Variants in PCDH15 observed in about 807,000 individuals in gnomAD.
PCDH15 encodes protocadherin related 15.
PCDH15 carries 129 observed loss-of-function variants against 178.5 expected under a neutral mutation model. The ratio of observed to expected loss-of-function variants is 0.72; its 90% CI spans 0.63 to 0.84. The LOEUF is 0.84. Ranked by LOEUF, PCDH15 falls within the 40% of genes least tolerant of loss-of-function variation. The pLI is 0.00. For synonymous variants in PCDH15, 800 were observed against 732.0 expected, an observed-to-expected ratio of 1.09 and a Z score of -1.50; for missense variants, 2,230 against 2,099.9, an observed-to-expected ratio of 1.06 and a Z score of -1.21.
intron 26 of PCDH15, among the ~76,000 whole-genome samples, chr10:53,881,594 C>A (rs61301799): frequency 6.6e-6 from 1 of 151,858 alleles, no homozygotes; most frequent in East Asian, 1.9e-4. Context: ...AAGTTCACAC[C>A]TGGACTAAAT....
At chr10:53,835,158 T>TTTAC (rs1217085180) in intron 29 of PCDH15, among the ~76,000 whole-genome samples, 1 of 152,206 alleles carries the variant, frequency 6.6e-6, no homozygotes, top group Non-Finnish European at 1.5e-5. Flanking sequence ...TGTATAGTTT[T>TTTAC]TTACTTAGAA....
chr10:55,158,680 A>C (rs1480287017), intron 2 of PCDH15, among the ~76,000 whole-genome samples: 1 of 132,172 alleles, frequency 7.6e-6, no homozygotes, highest in South Asian at 2.7e-4. Flanking sequence ...AGCATGATTC[A>C]ATTTGTTCTA....
intron 1 of PCDH15, among the ~76,000 whole-genome samples, chr10:55,255,379 T>C (rs1219307111): frequency 1.3e-5 from 2 of 152,216 alleles, no homozygotes; most frequent in Admixed American, 6.5e-5. Context: ...TGGTTCCAAG[T>C]CTTTGCTATT....
In PCDH15 at chr10:53,903,995, C is replaced by T. The variant is rs192529910; in HGVS notation, c.3374-625G>A. Among the ~76,000 whole-genome samples, 155 of 152,170 alleles carry T rather than the reference C, an allele frequency of 1.0e-3. 1 individual carries two copies. Among genetic ancestry groups the T allele is most frequent in the African/African-American group, 3.7e-3 (154 of 41,522 alleles). On this transcript the variant is annotated intron_variant, in intron 25 of 37. Transcript: ENST00000644397. The stretch of plus-strand genomic sequence containing the variant: ...AAGATATGATTATGACTCATAAATG[C>T]TGCATTTTACCATTTAAATAACAGT...
intron 2 of PCDH15, among the ~76,000 whole-genome samples, chr10:55,520,712 A>G (rs978148063): frequency 2.6e-5 from 4 of 151,676 alleles, no homozygotes; most frequent in Non-Finnish European, 5.9e-5. Context: ...CTAACAATCT[A>G]TTGCAAATAG....
intron 2 of PCDH15, among the ~76,000 whole-genome samples, chr10:54,638,349 A>T (rs2134876667): frequency 6.6e-6 from 1 of 152,188 alleles, no homozygotes; most frequent in Non-Finnish European, 1.5e-5. Flanking sequence ...CAAATAATTG[A>T]CAGACATTTA....
At chr10:54,044,118 T>C (rs1429930745) in intron 18 of PCDH15, among the ~76,000 whole-genome samples, 1 of 152,010 alleles carries the variant, frequency 6.6e-6, no homozygotes, top group Non-Finnish European at 1.5e-5. Flanking sequence ...TAGATCTTGA[T>C]TATGTTGGAA....
At position 54,608,048 on chromosome 10, in the gene PCDH15, AACTTGAAAT is replaced by A. The variant is rs543499816; in HGVS notation, c.91+56115_91+56123del. The A allele has an allele frequency of 2.8e-4, 126 of 443,380 alleles. 1 individual carries two copies. The highest frequency in any genetic ancestry group is 2.2e-3 in the African/African-American group (105 of 46,722). 27.5% of individuals were successfully genotyped at this position (443,380 alleles called of 1,614,324 possible). On this transcript the variant is annotated intron_variant, in intron 2 of 37. Coordinates refer to ENST00000644397, the MANE Select transcript of PCDH15 (RefSeq NM_001384140.1). The stretch of plus-strand genomic sequence containing the variant: ...AAGGAATTTTTCAAAATAATATTTT[AACTTGAAAT>A]ACTTTTCTTTGACAAATACAGTAAA...
chr10:54,618,410 A>G (rs970915157), intron 2 of PCDH15, among the ~76,000 whole-genome samples: 1 of 152,100 alleles, frequency 6.6e-6, no homozygotes, highest in African/African-American at 2.4e-5. Context: ...AACCGGGGAA[A>G]TATTTCAGGT....
chr10:54,411,825 A>T (rs7911593), intron 3 of PCDH15, among the ~76,000 whole-genome samples: 120,607 of 152,072 alleles, frequency 0.79, 48,602 homozygotes, highest in East Asian at 0.97. Context: ...CTTGTCAGAG[A>T]GACTAATACT....
At chr10:54,356,938 AG>A (rs1945099055) in intron 5 of PCDH15, among the ~76,000 whole-genome samples, 1 of 152,162 alleles carries the variant, frequency 6.6e-6, no homozygotes, top group Admixed American at 6.5e-5. Context: ...GATGCAGAAA[AG>A]GCCTTTGACA....
chr10:55,004,463 C>T (rs776639370), intron 2 of PCDH15, among the ~76,000 whole-genome samples: 21 of 152,284 alleles, frequency 1.4e-4, no homozygotes, highest in Admixed American at 1.3e-4. Flanking sequence ...AGGAAATCAA[C>T]CACCAGGCCT....
At chr10:54,233,656 A>T (rs1194290155) in intron 9 of PCDH15, among the ~76,000 whole-genome samples, 1 of 152,110 alleles carries the variant, frequency 6.6e-6, no homozygotes, top group East Asian at 1.9e-4. Context: ...TGCTTTATGG[A>T]GTTGTTCCAT....
At chr10:53,960,782 TGA>T (rs1386140423) in intron 22 of PCDH15, among the ~76,000 whole-genome samples, 2 of 152,178 alleles carry the variant, frequency 1.3e-5, no homozygotes, top group Non-Finnish European at 2.9e-5. Flanking sequence ...GGTAAAATCA[TGA>T]GAGACATAGT....
chr10:54,333,898 CT>C (rs1940437334), intron 6 of PCDH15, among the ~76,000 whole-genome samples: 1 of 152,174 alleles, frequency 6.6e-6, no homozygotes, highest in African/African-American at 2.4e-5. Context: ...TTCTTTCATT[CT>C]TAGAGATTTG....
chr10:53,923,086 C>CA (rs920651553), intron 25 of PCDH15, among the ~76,000 whole-genome samples: 1 of 151,910 alleles, frequency 6.6e-6, no homozygotes, highest in Non-Finnish European at 1.5e-5. Flanking sequence ...GACTCCGTCT[C>CA]AAAAAAACAA....
chr10:54,107,503 C>T (rs2136215929), intron 15 of PCDH15, among the ~76,000 whole-genome samples: 1 of 152,214 alleles, frequency 6.6e-6, no homozygotes, highest in South Asian at 2.1e-4. Context: ...AGTATTAGAG[C>T]CTTAGTCAAA....
At chr10:54,012,023 A>G (rs1339088774) in intron 20 of PCDH15, among the ~76,000 whole-genome samples, 1 of 152,176 alleles carries the variant, frequency 6.6e-6, no homozygotes, top group Non-Finnish European at 1.5e-5. Flanking sequence ...CAAAATCCAA[A>G]CCAAGGAAAC....
rs539500967 is a variant in PCDH15 at position 54,937,514 on chromosome 10, G to A, written c.-79-40014C>T. ...TTAAAATAATGTTCTCTAGTTCGCC[G>A]TGTCTAAGACTTTCACTTATTTTGT... On this transcript the variant is annotated intron_variant, in intron 2 of 5. Coordinates refer to the PCDH15 transcript ENST00000458638. 5.3e-4 allele frequency among the ~76,000 whole-genome samples: 80 copies of A among 151,616 alleles called. 1 individual carries two copies. The highest frequency in any genetic ancestry group is 4.2e-4 in the South Asian group (2 of 4,800).
Sources: gnomAD v4.1 joint callset for allele counts (sites outside exome capture counted in the v4.1 genomes callset) on GRCh38, gnomAD v4.1.1 for gene constraint, MANE v1.5 for transcripts, NCBI Gene and HGNC (gene_info 2026-07-23, HGNC 2026-07-21) for gene names.